The following COL15A1 variants were observed in gnomAD, a reference collection of about 807,000 sequenced individuals.
COL15A1 encodes collagen type XV alpha 1 chain.
COL15A1 carries 111 observed loss-of-function variants against 165.9 expected under a neutral mutation model. The observed-to-expected ratio is 0.67, with a 90% CI of 0.57 to 0.78. The LOEUF (loss-of-function observed/expected upper bound fraction) is 0.78, where lower values mean the gene tolerates loss of function less well. Ranked by LOEUF, COL15A1 falls within the 30% of genes least tolerant of loss-of-function variation. The pLI, the probability that COL15A1 is intolerant of heterozygous loss-of-function variation, is 0.00. For missense variants in COL15A1, 1,745 were observed against 1,789.7 expected, an observed-to-expected ratio of 0.98 and a Z score of 0.45; for synonymous variants, 659 against 674.8, an observed-to-expected ratio of 0.98 and a Z score of 0.36.
chr9:99,061,933 T>C, intron 36 of COL15A1, 38 bp from the exon 37 acceptor site: 4 of 1,593,612 alleles, frequency 2.5e-6, no homozygotes, highest in Non-Finnish European at 2.6e-6. Flanking sequence ...ATTCCTCTAA[T>C]GATAATGGCA....
At position 99,070,050 on chromosome 9, in the gene COL15A1, T is replaced by A; in HGVS notation, c.*164T>A. On this transcript the variant is annotated 3_prime_UTR_variant, in exon 42 of 42. Coordinates refer to ENST00000375001, the MANE Select transcript of COL15A1 (RefSeq NM_001855.5). ...AAACATACCTCAATACACTCAAAAC[T>A]GAAGACATAGAGGACTCAGATCAAA... The A allele has an allele frequency of 1.7e-6, 1 of 605,446 alleles. No homozygotes were observed. Among genetic ancestry groups the A allele is most frequent in the South Asian group, 2.2e-5 (1 of 45,964 alleles). The allele number at this position is 605,446 out of a possible 1,614,324, so 37.5% of individuals were successfully genotyped here.
chr9:98,961,903 AG>A (rs1161949625), intron 2 of COL15A1, among the ~76,000 whole-genome samples: 1 of 152,248 alleles, frequency 6.6e-6, no homozygotes, highest in Non-Finnish European at 1.5e-5. Context: ...CAGAGTCAGA[AG>A]AAAGCCCGGA....
At chr9:99,064,646 C>G (rs373360464) in intron 39 of COL15A1, among the ~76,000 whole-genome samples, 9 of 152,200 alleles carry the variant, frequency 5.9e-5, no homozygotes, top group African/African-American at 2.2e-4. Flanking sequence ...AAGCCATAGC[C>G]AGAAAGGAAG....
chr9:98,967,659 G>A (rs1230096271), intron 2 of COL15A1, among the ~76,000 whole-genome samples: 2 of 152,188 alleles, frequency 1.3e-5, no homozygotes, highest in Non-Finnish European at 2.9e-5. Context: ...TAGTACTGGG[G>A]CCCTGCCTGG....
chr9:99,005,176 C>T, intron 9 of COL15A1, 126 bp downstream of exon 9: 2 of 999,958 alleles, frequency 2.0e-6, no homozygotes, highest in Non-Finnish European at 1.4e-6. Context: ...TGACCAAATA[C>T]TCACTTGGGG....
At chr9:98,989,076 T>C (rs1369052420) in intron 4 of COL15A1, 102 bp from the exon 5 acceptor site, 3 of 784,374 alleles carry the variant, frequency 3.8e-6, no homozygotes, top group Non-Finnish European at 6.6e-6. Flanking sequence ...GGTTTCCCTG[T>C]AGGAGAGTCG....
chr9:98,998,223 G>A (rs748558791), intron 6 of COL15A1, among the ~76,000 whole-genome samples: 26 of 152,114 alleles, frequency 1.7e-4, no homozygotes, highest in Non-Finnish European at 2.5e-4. Flanking sequence ...ATTATGGATG[G>A]TTTTTACTTT....
At chr9:98,955,593 C>T (rs949222489) in intron 2 of COL15A1, among the ~76,000 whole-genome samples, 4 of 152,248 alleles carry the variant, frequency 2.6e-5, no homozygotes, top group African/African-American at 9.6e-5. Flanking sequence ...CAGCCATCCA[C>T]TGTGCAGGAT....
rs532370183 is a variant in COL15A1, at chr9:99,055,274, G to C, written c.3094G>C (p.Asp1032His). 1 of 1,612,478 alleles carries C rather than the reference G, an allele frequency of 6.2e-7. No individual in the cohort carries two copies. The highest frequency in any genetic ancestry group is 1.7e-5 in the Admixed American group (1 of 60,020). Residue 1032 changes from aspartate (D) to histidine (H), a missense_variant, in exon 34 of 42, where the codon GAC becomes CAC. Physicochemically the swap from Asp to His is moderately conservative, Grantham distance 81 (BLOSUM62 -1). Coordinates refer to ENST00000375001, the MANE Select transcript of COL15A1 (RefSeq NM_001855.5). ...FLNNLKGENG[D>H]KGFKGEKGEK... is the part of the protein sequence containing the mutation. ...TCTCTGCTTCCAGGGGGAGAATGGA[G>C]ACAAGGGGTTCAAAGGTGAAAAAGG...
At chr9:98,977,139 A>T (rs1838155043) in intron 2 of COL15A1, among the ~76,000 whole-genome samples, 1 of 152,188 alleles carries the variant, frequency 6.6e-6, no homozygotes, top group Admixed American at 6.5e-5. Context: ...TTTTAGGTAT[A>T]TTATTTTATT....
chr9:98,979,293 G>A (rs1361250407), intron 2 of COL15A1, among the ~76,000 whole-genome samples: 1 of 152,094 alleles, frequency 6.6e-6, no homozygotes, highest in African/African-American at 2.4e-5. Flanking sequence ...TTATTAAATT[G>A]CCTCCCACCA....
intron 39 of COL15A1, among the ~76,000 whole-genome samples, chr9:99,066,578 G>T (rs934612084): frequency 1.5e-5 from 2 of 130,088 alleles, no homozygotes; most frequent in Admixed American, 1.6e-4. Flanking sequence ...TCTTTATTTG[G>T]TCCAAGCAAT....
At chr9:99,003,612 C>G (rs1467131108) in intron 8 of COL15A1, 25 bp downstream of exon 8, 6 of 1,449,714 alleles carry the variant, frequency 4.1e-6, no homozygotes, top group Non-Finnish European at 5.5e-6. Flanking sequence ...GCGCAAGCTC[C>G]CCTTCACCTG....
intron 9 of COL15A1, among the ~76,000 whole-genome samples, chr9:99,005,734 G>A (rs568544018): frequency 9.9e-5 from 15 of 152,142 alleles, no homozygotes; most frequent in Admixed American, 4.6e-4. Flanking sequence ...ATCATGAATC[G>A]CCGGCTCTGT....
chr9:98,993,766 C>A (rs1416455845), intron 5 of COL15A1, among the ~76,000 whole-genome samples: 1 of 152,156 alleles, frequency 6.6e-6, no homozygotes, highest in Non-Finnish European at 1.5e-5. Context: ...CATTTTCCGG[C>A]AGCCACCCTC....
At chr9:98,944,933 G>A (rs1174991845) in intron 2 of COL15A1, among the ~76,000 whole-genome samples, 1 of 152,184 alleles carries the variant, frequency 6.6e-6, no homozygotes, top group Non-Finnish European at 1.5e-5. Context: ...CTCGGTTAAG[G>A]TCAGACTGCC....
intron 6 of COL15A1, 145 bp from the exon 7 acceptor site, chr9:99,000,694 T>C: frequency 1.6e-6 from 1 of 625,812 alleles, no homozygotes; most frequent in Non-Finnish European, 2.9e-6. Context: ...GCCATGTATG[T>C]TGTTCTGCAA....
At chr9:98,981,771 G>A (rs1014490733) in intron 2 of COL15A1, among the ~76,000 whole-genome samples, 1 of 152,126 alleles carries the variant, frequency 6.6e-6, no homozygotes, top group Admixed American at 6.5e-5. Context: ...TCTTTCTTAC[G>A]TGGAGTGGTG....
chr9:98,967,789 C>T (rs1837982124), intron 2 of COL15A1, among the ~76,000 whole-genome samples: 1 of 152,180 alleles, frequency 6.6e-6, no homozygotes, highest in Non-Finnish European at 1.5e-5. Context: ...TCCATGACTG[C>T]CCATGACTGG....
Sources: allele counts gnomAD v4.1 joint callset (sites outside exome capture counted in the v4.1 genomes callset), GRCh38; gene constraint gnomAD v4.1.1; transcripts MANE v1.5; gene names NCBI Gene and HGNC (gene_info 2026-07-23, HGNC 2026-07-21).